DOK6: variants seen among roughly 807,000 people sequenced by gnomAD.
DOK6 encodes the protein downstream of tyrosine kinase 6.
A neutral mutation model predicts 44.0 loss-of-function variants in DOK6; 22 were observed. The ratio of observed to expected loss-of-function variants is 0.50; its 90% CI spans 0.36 to 0.71. The LOEUF (loss-of-function observed/expected upper bound fraction) is 0.71, where lower values mean the gene tolerates loss of function less well. Ranked by LOEUF, DOK6 falls within the 30% of genes least tolerant of loss-of-function variation. The pLI is 0.00. For synonymous variants in DOK6, 166 were observed against 145.5 expected, an observed-to-expected ratio of 1.14 and a Z score of -1.01; for missense variants, 340 against 416.4, an observed-to-expected ratio of 0.82 and a Z score of 1.60.
intron 1 of DOK6, among the ~76,000 whole-genome samples, chr18:69,492,161 G>A (rs1980752095): frequency 6.6e-6 from 1 of 152,084 alleles, no homozygotes; most frequent in Admixed American, 6.5e-5. Context: ...CTAATGTACT[G>A]TATTGACTTA....
chr18:69,774,133 G>GACATATATATATATATAT (rs1555670147), intron 7 of DOK6, among the ~76,000 whole-genome samples: 1 of 66,866 alleles, frequency 1.5e-5, no homozygotes, highest in Non-Finnish European at 3.3e-5. Flanking sequence ...ATATATATGA[G>GACATATATATATATATAT]ATATATATAT....
intron 1 of DOK6, among the ~76,000 whole-genome samples, chr18:69,448,279 T>C (rs898444889): frequency 6.6e-6 from 1 of 152,202 alleles, no homozygotes; most frequent in Non-Finnish European, 1.5e-5. Flanking sequence ...TTGCTGGCAT[T>C]GTAGTTGCAT....
intron 3 of DOK6, among the ~76,000 whole-genome samples, chr18:69,635,249 G>C (rs1335692094): frequency 6.6e-6 from 1 of 152,068 alleles, no homozygotes; most frequent in Non-Finnish European, 1.5e-5. Flanking sequence ...TCTAATGCGA[G>C]GTGGAAACCA....
At chr18:69,451,126 A>C (rs1454078510) in intron 1 of DOK6, among the ~76,000 whole-genome samples, 2 of 149,768 alleles carry the variant, frequency 1.3e-5, no homozygotes, top group African/African-American at 4.9e-5. Context: ...AAGTCGGATA[A>C]AGAGTCAAGA....
At chr18:69,831,699 A>T (rs1981906378) in intron 7 of DOK6, among the ~76,000 whole-genome samples, 1 of 152,166 alleles carries the variant, frequency 6.6e-6, no homozygotes, top group South Asian at 2.1e-4. Context: ...AGCTACTGAG[A>T]CCCTGAGATC....
intron 5 of DOK6, among the ~76,000 whole-genome samples, chr18:69,728,796 TG>T (rs1978326523): frequency 4.6e-5 from 7 of 152,224 alleles, no homozygotes; most frequent in Admixed American, 4.6e-4. Flanking sequence ...AAAGTCTACC[TG>T]GATCTCAGGA....
intron 4 of DOK6, among the ~76,000 whole-genome samples, chr18:69,695,901 A>G (rs764074081): frequency 2.0e-5 from 3 of 152,178 alleles, no homozygotes; most frequent in Non-Finnish European, 4.4e-5. Flanking sequence ...GTTGCTGGGT[A>G]AAAAAGTATG....
At chr18:69,405,224 A>C (rs991695058) in intron 1 of DOK6, among the ~76,000 whole-genome samples, 3 of 152,150 alleles carry the variant, frequency 2.0e-5, no homozygotes, top group Non-Finnish European at 4.4e-5. Flanking sequence ...TTCTGTAAAC[A>C]CTGTGAGTTT....
At chr18:69,435,366 A>AATAG (rs1978947490) in intron 1 of DOK6, among the ~76,000 whole-genome samples, 1 of 152,218 alleles carries the variant, frequency 6.6e-6, no homozygotes, top group Non-Finnish European at 1.5e-5. Flanking sequence ...TGGAAATGTA[A>AATAG]ATACAGATAA....
At chr18:69,403,003 T>C (rs1168081627) in intron 1 of DOK6, among the ~76,000 whole-genome samples, 1 of 151,628 alleles carries the variant, frequency 6.6e-6, no homozygotes, top group African/African-American at 2.4e-5. Context: ...TGGAAGGGAG[T>C]CGTCTTCTTA....
intron 1 of DOK6, among the ~76,000 whole-genome samples, chr18:69,414,243 T>C (rs1478700311): frequency 1.3e-5 from 2 of 152,090 alleles, no homozygotes; most frequent in Non-Finnish European, 2.9e-5. Flanking sequence ...TGGACATTCA[T>C]GTCAGAGGAA....
At chr18:69,414,101 A>T (rs938559958) in intron 1 of DOK6, among the ~76,000 whole-genome samples, 6 of 152,210 alleles carry the variant, frequency 3.9e-5, no homozygotes, top group African/African-American at 1.2e-4. Flanking sequence ...GCTGACACGA[A>T]TCCAGAGAAG....
intron 1 of DOK6, among the ~76,000 whole-genome samples, chr18:69,546,094 A>C (rs1291258461): frequency 6.6e-6 from 1 of 151,260 alleles, no homozygotes; most frequent in East Asian, 1.9e-4. Flanking sequence ...GCTAGCCAAC[A>C]TCGAGAAAAC....
chr18:69,811,957 GTC>G (rs1456850391), intron 7 of DOK6, among the ~76,000 whole-genome samples: 3 of 152,018 alleles, frequency 2.0e-5, no homozygotes, highest in African/African-American at 7.2e-5. Context: ...GATATACAAA[GTC>G]TGCCTTCATG....
intron 7 of DOK6, among the ~76,000 whole-genome samples, chr18:69,792,360 T>C (rs1980626221): frequency 6.6e-6 from 1 of 152,160 alleles, no homozygotes; most frequent in Non-Finnish European, 1.5e-5. Flanking sequence ...CAATATGGAT[T>C]ATTCCAATCC....
chr18:69,759,271 G>A (rs1979462536), intron 7 of DOK6, among the ~76,000 whole-genome samples: 1 of 152,128 alleles, frequency 6.6e-6, no homozygotes. Flanking sequence ...CAAATTGCCT[G>A]AGTCATGATC....
At chr18:69,533,195 A>G (rs746596294) in intron 1 of DOK6, among the ~76,000 whole-genome samples, 1 of 152,186 alleles carries the variant, frequency 6.6e-6, no homozygotes, top group African/African-American at 2.4e-5. Flanking sequence ...AACTGCTTCA[A>G]ATTTATTTTA....
At chr18:69,587,148 C>T (rs1599207639) in intron 2 of DOK6, among the ~76,000 whole-genome samples, 1 of 152,250 alleles carries the variant, frequency 6.6e-6, no homozygotes, top group East Asian at 1.9e-4. Flanking sequence ...GTAATTGGGG[C>T]TGGCCTCACA....
chr18:69,671,282 G>T (rs367945775), intron 3 of DOK6, among the ~76,000 whole-genome samples: 1 of 152,198 alleles, frequency 6.6e-6, no homozygotes, highest in East Asian at 1.9e-4. Flanking sequence ...ATTCATAAAA[G>T]AAGTAGCAGA....
Sources: gnomAD v4.1 joint callset for allele counts (sites outside exome capture counted in the v4.1 genomes callset) on GRCh38, gnomAD v4.1.1 for gene constraint, MANE v1.5 for transcripts, NCBI Gene and HGNC (gene_info 2026-07-23, HGNC 2026-07-21) for gene names.